Variants in HYCC2 observed in about 807,000 individuals in gnomAD.
HYCC2 encodes the protein hyccin 2.
chr2:201,007,569 T>C, the HYCC2 span, among the ~76,000 whole-genome samples: 1 of 152,304 alleles, frequency 6.6e-6, no homozygotes, highest in East Asian at 1.9e-4. Flanking sequence ...ATCTATAAAC[T>C]GGCCTTGCCC....
chr2:201,027,122 T>C, the HYCC2 span, among the ~76,000 whole-genome samples: 1 of 151,992 alleles, frequency 6.6e-6, no homozygotes, highest in East Asian at 1.9e-4. Context: ...TAAAAAATGA[T>C]AAGGGGGATA....
the HYCC2 span, among the ~76,000 whole-genome samples, chr2:201,060,168 A>C: frequency 6.6e-6 from 1 of 152,060 alleles, no homozygotes; most frequent in Non-Finnish European, 1.5e-5. Context: ...TTAGCACTTA[A>C]TTCATGTCTA....
chr2:200,990,625 T>A, the HYCC2 span, among the ~76,000 whole-genome samples: 2 of 151,880 alleles, frequency 1.3e-5, no homozygotes, highest in African/African-American at 4.8e-5. Context: ...CAGGCTGAGG[T>A]GCAGTGGCAT....
chr2:201,001,147 A>T, the HYCC2 span, among the ~76,000 whole-genome samples: 4,849 of 151,700 alleles, frequency 0.032, 119 homozygotes, highest in Middle Eastern at 0.085. Flanking sequence ...CAAAAAAAAA[A>T]AAAAAAAAGA....
the HYCC2 span, among the ~76,000 whole-genome samples, chr2:200,987,792 A>G: frequency 6.6e-6 from 1 of 152,244 alleles, no homozygotes; most frequent in African/African-American, 2.4e-5. Context: ...TGACTATTCA[A>G]GTACCATGTG....
At chr2:201,068,860 C>T in the HYCC2 span, among the ~76,000 whole-genome samples, 4 of 152,002 alleles carry the variant, frequency 2.6e-5, no homozygotes, top group South Asian at 8.3e-4. Flanking sequence ...GTTCCACATC[C>T]CAAGAAAAGA....
At chr2:201,011,214 A>C in the HYCC2 span, among the ~76,000 whole-genome samples, 1 of 152,024 alleles carries the variant, frequency 6.6e-6, no homozygotes, top group Non-Finnish European at 1.5e-5. Context: ...AACTAAAGAA[A>C]ATTTTCATTA....
the HYCC2 span, among the ~76,000 whole-genome samples, chr2:201,047,445 C>CATATATATAT: frequency 0.019 from 2,612 of 139,504 alleles, 65 homozygotes; most frequent in African/African-American, 0.052. Flanking sequence ...TCACAGTTCT[C>CATATATATAT]ATATATATAT....
the HYCC2 span, among the ~76,000 whole-genome samples, chr2:201,029,089 A>T: frequency 2.0e-5 from 3 of 152,196 alleles, no homozygotes; most frequent in African/African-American, 7.2e-5. Flanking sequence ...GAATCTACAA[A>T]GAACTTAAAC....
the HYCC2 span, among the ~76,000 whole-genome samples, chr2:201,040,321 A>G: frequency 1.3e-5 from 2 of 152,238 alleles, no homozygotes; most frequent in Admixed American, 6.5e-5. Flanking sequence ...TTTTGGCCTC[A>G]GAATTTCTTT....
the HYCC2 span, among the ~76,000 whole-genome samples, chr2:200,986,933 ACT>A: frequency 6.6e-6 from 1 of 152,060 alleles, no homozygotes; most frequent in Non-Finnish European, 1.5e-5. Context: ...ATGTTTTAAA[ACT>A]CTCTTCACAA....
At chr2:201,016,870 G>A in the HYCC2 span, 1 of 963,302 alleles carries the variant, frequency 1.0e-6, no homozygotes, top group Non-Finnish European at 1.5e-6. Context: ...AAAAATGCTG[G>A]GATTACAGGC....
chr2:201,064,082 G>A, the HYCC2 span: 6 of 1,508,136 alleles, frequency 4.0e-6, no homozygotes, highest in African/African-American at 6.9e-5. Flanking sequence ...GGAGAGGAGA[G>A]CCAGAGAAGT....
the HYCC2 span, among the ~76,000 whole-genome samples, chr2:201,011,101 C>T: frequency 6.6e-6 from 1 of 151,968 alleles, no homozygotes; most frequent in Non-Finnish European, 1.5e-5. Flanking sequence ...GCCAAGATCG[C>T]ACCACTGCAC....
the HYCC2 span, among the ~76,000 whole-genome samples, chr2:201,001,001 G>A: frequency 5.3e-5 from 8 of 151,880 alleles, no homozygotes; most frequent in Non-Finnish European, 7.4e-5. Context: ...AGCCAGGCAC[G>A]GTGTTGCACA....
chr2:200,979,479 A>C, the HYCC2 span: 3 of 152,434 alleles, frequency 2.0e-5, no homozygotes, highest in African/African-American at 7.2e-5. Context: ...AAAGTCTCTT[A>C]GGGAAAAAAG....
At chr2:201,021,893 A>C in the HYCC2 span, 4 of 384,216 alleles carry the variant, frequency 1.0e-5, no homozygotes, top group Non-Finnish European at 2.0e-5. Context: ...AGAAAAAGCA[A>C]ATGAATCCTG....
the HYCC2 span, chr2:201,062,995 A>G: frequency 4.9e-6 from 7 of 1,442,054 alleles, no homozygotes; most frequent in Non-Finnish European, 5.8e-6. Context: ...GCTAACATTT[A>G]TTATGCATCA....
chr2:201,022,037 C>T, the HYCC2 span: 26 of 1,282,132 alleles, frequency 2.0e-5, 1 homozygote, highest in South Asian at 3.2e-4. Context: ...TTAAGTTAAG[C>T]TGCTGGTTAG....
Sources: gnomAD v4.1 joint callset for allele counts (sites outside exome capture counted in the v4.1 genomes callset) on GRCh38, gnomAD v4.1.1 for gene constraint, MANE v1.5 for transcripts, NCBI Gene and HGNC (gene_info 2026-07-23, HGNC 2026-07-21) for gene names.